The following TRDN variants were observed in gnomAD, a reference collection of about 807,000 sequenced individuals.
The protein encoded by TRDN is triadin.
TRDN carries 161 observed loss-of-function variants against 149.7 expected under a neutral mutation model. The observed-to-expected ratio is 1.08, with a 90% CI of 0.95 to 1.23. TRDN has a LOEUF of 1.23. Among genes scored for constraint, TRDN ranks in the 50% most tolerant of loss-of-function variants. TRDN has a pLI of 0.00. For synonymous variants in TRDN, 294 were observed against 250.5 expected (o/e 1.17, Z -1.64); for missense variants, 896 against 823.5 (o/e 1.09, Z -1.08).
chr6:123,528,530 C>A (rs925871697), intron 5 of TRDN, among the ~76,000 whole-genome samples: 1 of 151,926 alleles, frequency 6.6e-6, no homozygotes, highest in Non-Finnish European at 1.5e-5. Flanking sequence ...TCATCACAGA[C>A]TACTACTACC....
chr6:123,569,064 A>G (rs1250411017), intron 2 of TRDN, among the ~76,000 whole-genome samples: 1 of 152,136 alleles, frequency 6.6e-6, no homozygotes, highest in African/African-American at 2.4e-5. Context: ...ATCTTTGAAT[A>G]GGTTGGTAGA....
intron 20 of TRDN, among the ~76,000 whole-genome samples, chr6:123,355,517 G>A (rs955729836): frequency 6.6e-6 from 1 of 151,586 alleles, no homozygotes; most frequent in African/African-American, 2.4e-5. Context: ...TACTCCTGTA[G>A]GTTTAAGATA....
At chr6:123,311,358 T>C (rs1439782450) in intron 24 of TRDN, among the ~76,000 whole-genome samples, 1 of 151,882 alleles carries the variant, frequency 6.6e-6, no homozygotes, top group Non-Finnish European at 1.5e-5. Flanking sequence ...ACATGAGGAT[T>C]ATGGGGATTA....
intron 33 of TRDN, among the ~76,000 whole-genome samples, chr6:123,262,131 C>T (rs1437511692): frequency 2.0e-5 from 3 of 151,772 alleles, no homozygotes; most frequent in East Asian, 3.9e-4. Context: ...TTAAGATGTC[C>T]AGGAAAGCCC....
chr6:123,353,489 A>C (rs546504299), intron 20 of TRDN, among the ~76,000 whole-genome samples: 1 of 151,986 alleles, frequency 6.6e-6, no homozygotes, highest in African/African-American at 2.4e-5. Flanking sequence ...AAGGTATCCA[A>C]CTGAAATTTA....
intron 7 of TRDN, among the ~76,000 whole-genome samples, chr6:123,505,573 A>G (rs4370389): frequency 0.83 from 126,535 of 152,160 alleles, 52,796 homozygotes; most frequent in East Asian, 0.88. Context: ...TAACCTGGTC[A>G]TTTAGCTTGG....
intron 7 of TRDN, among the ~76,000 whole-genome samples, chr6:123,505,114 C>T (rs1290331142): frequency 1.3e-5 from 2 of 151,756 alleles, no homozygotes; most frequent in Non-Finnish European, 2.9e-5. Flanking sequence ...CGTGGTGGTG[C>T]ATGCCTGTAA....
At chr6:123,587,634 C>G (rs1783565880) in intron 1 of TRDN, among the ~76,000 whole-genome samples, 1 of 152,180 alleles carries the variant, frequency 6.6e-6, no homozygotes, top group East Asian at 1.9e-4. Flanking sequence ...AAGAGACCAC[C>G]AACAGGCTTT....
At chr6:123,388,106 TG>T (rs1182164862) in intron 14 of TRDN, among the ~76,000 whole-genome samples, 1 of 104,104 alleles carries the variant, frequency 9.6e-6, no homozygotes, top group African/African-American at 4.5e-5. Flanking sequence ...GGCAGAGCAA[TG>T]GGAGAAAAAA....
intron 13 of TRDN, among the ~76,000 whole-genome samples, chr6:123,391,015 T>A (rs184915400): frequency 6.6e-6 from 1 of 152,116 alleles, no homozygotes; most frequent in Admixed American, 6.6e-5. Context: ...GTTCTCTCTT[T>A]GGCATTTTAA....
chr6:123,526,561 G>C (rs1779961756), intron 5 of TRDN, among the ~76,000 whole-genome samples: 1 of 151,990 alleles, frequency 6.6e-6, no homozygotes, highest in African/African-American at 2.4e-5. Context: ...ATTGAATCCA[G>C]GTAAACCTAC....
chr6:123,605,738 T>G (rs1477209635), intron 1 of TRDN, among the ~76,000 whole-genome samples: 2 of 152,108 alleles, frequency 1.3e-5, no homozygotes, highest in Non-Finnish European at 2.9e-5. Flanking sequence ...TACTCTAGCC[T>G]GGGTAACAAA....
chr6:123,564,459 T>A (rs1782176299), intron 2 of TRDN, among the ~76,000 whole-genome samples: 1 of 152,214 alleles, frequency 6.6e-6, no homozygotes, highest in Non-Finnish European at 1.5e-5. Flanking sequence ...TCTGACTGAC[T>A]TTGGGCCTTC....
At chr6:123,339,082 G>A (rs1360836302) in intron 21 of TRDN, among the ~76,000 whole-genome samples, 1 of 151,534 alleles carries the variant, frequency 6.6e-6, no homozygotes, top group Non-Finnish European at 1.5e-5. Flanking sequence ...GCGCGATCTT[G>A]GCTCACTGAA....
chr6:123,260,478 G>C, intron 34 of TRDN, 134 bp downstream of exon 34: 4 of 936,336 alleles, frequency 4.3e-6, no homozygotes, highest in Non-Finnish European at 6.0e-6. Context: ...AAGTCATTAT[G>C]CCTGTTCTGT....
chr6:123,548,974 A>G (rs1781254861), intron 2 of TRDN, among the ~76,000 whole-genome samples: 1 of 152,064 alleles, frequency 6.6e-6, no homozygotes, highest in South Asian at 2.1e-4. Context: ...ATTGTATGGG[A>G]CAGCATTATA....
intron 24 of TRDN, among the ~76,000 whole-genome samples, chr6:123,282,135 A>T (rs2114633412): frequency 6.6e-6 from 1 of 152,138 alleles, no homozygotes; most frequent in East Asian, 1.9e-4. Flanking sequence ...CAACAGAGGC[A>T]GAGACTGGAG....
chr6:123,233,632 T>C (rs954152948), intron 38 of TRDN, among the ~76,000 whole-genome samples: 1 of 152,030 alleles, frequency 6.6e-6, no homozygotes, highest in Non-Finnish European at 1.5e-5. Flanking sequence ...ACAACCTTTC[T>C]CTGGAGTTTA....
intron 5 of TRDN, among the ~76,000 whole-genome samples, chr6:123,526,614 G>C (rs1779964793): frequency 6.6e-6 from 1 of 152,040 alleles, no homozygotes; most frequent in Non-Finnish European, 1.5e-5. Flanking sequence ...GTGTTAGATT[G>C]TTCTATGAAG....
Sources: allele counts gnomAD v4.1 joint callset (sites outside exome capture counted in the v4.1 genomes callset), GRCh38; gene constraint gnomAD v4.1.1; transcripts MANE v1.5; gene names NCBI Gene and HGNC (gene_info 2026-07-23, HGNC 2026-07-21).